Variants in CADM2 observed in about 807,000 individuals in gnomAD.
CADM2 encodes immunoglobulin superfamily member 4D.
In CADM2, 12 loss-of-function variants were observed where a neutral mutation model predicts 49.8. The observed-to-expected ratio is 0.24, with a 90% CI of 0.15 to 0.39. CADM2 has a LOEUF of 0.39. Ranked by LOEUF, CADM2 falls within the 10% of genes least tolerant of loss-of-function variation. The pLI is 1.00. For missense variants in CADM2, 378 were observed against 492.3 expected, an observed-to-expected ratio of 0.77 and a Z score of 2.20; for synonymous variants, 214 against 175.4, an observed-to-expected ratio of 1.22 and a Z score of -1.74.
At chr3:85,328,641 G>A (rs1416171797) in intron 1 of CADM2, among the ~76,000 whole-genome samples, 1 of 152,070 alleles carries the variant, frequency 6.6e-6, no homozygotes, top group African/African-American at 2.4e-5. Context: ...AAAGAGAAAG[G>A]TTTAAATTTT....
intron 3 of CADM2, among the ~76,000 whole-genome samples, chr3:85,815,827 G>A (rs929077708): frequency 2.6e-5 from 4 of 152,126 alleles, no homozygotes; most frequent in African/African-American, 9.7e-5. Flanking sequence ...CAGATGACAT[G>A]ATTGTATATT....
At chr3:85,177,047 G>A (rs1213383898) in intron 1 of CADM2, among the ~76,000 whole-genome samples, 1 of 152,146 alleles carries the variant, frequency 6.6e-6, no homozygotes, top group Non-Finnish European at 1.5e-5. Context: ...CCTATCCATA[G>A]CAAAAGTGTG....
intron 1 of CADM2, among the ~76,000 whole-genome samples, chr3:85,378,961 C>G (rs1246920237): frequency 1.3e-5 from 2 of 151,822 alleles, no homozygotes; most frequent in Non-Finnish European, 2.9e-5. Context: ...ATCGTATTGA[C>G]TAGTATTTAT....
chr3:85,973,090 G>A (rs1220513907), intron 8 of CADM2, among the ~76,000 whole-genome samples: 1 of 151,648 alleles, frequency 6.6e-6, no homozygotes, highest in Non-Finnish European at 1.5e-5. Context: ...ATAAAAGGGA[G>A]AGCAACTTTT....
chr3:85,925,982 A>T (rs1006714247), intron 6 of CADM2, among the ~76,000 whole-genome samples: 2 of 151,788 alleles, frequency 1.3e-5, no homozygotes. Context: ...TTAAAAATAT[A>T]AAAAAATGAC....
intron 1 of CADM2, among the ~76,000 whole-genome samples, chr3:85,097,862 G>A (rs2037861273): frequency 6.6e-6 from 1 of 152,102 alleles, no homozygotes; most frequent in South Asian, 2.1e-4. Context: ...CCCCTACATA[G>A]TAGTCCTCAG....
At chr3:85,132,156 T>C (rs564177968) in intron 1 of CADM2, among the ~76,000 whole-genome samples, 1 of 152,234 alleles carries the variant, frequency 6.6e-6, no homozygotes, top group African/African-American at 2.4e-5. Flanking sequence ...ATGATTAAAG[T>C]TGCATTAGCC....
chr3:86,060,752 G>T (rs934382994), intron 8 of CADM2, among the ~76,000 whole-genome samples: 9 of 152,082 alleles, frequency 5.9e-5, no homozygotes, highest in African/African-American at 2.2e-4. Flanking sequence ...TGGAGGCTGA[G>T]GTGGGCAGAT....
intron 3 of CADM2, among the ~76,000 whole-genome samples, chr3:85,829,419 C>T (rs2074079769): frequency 6.6e-6 from 1 of 151,814 alleles, no homozygotes. Flanking sequence ...AAACATTTAT[C>T]ATTTCTTTGT....
intron 1 of CADM2, among the ~76,000 whole-genome samples, chr3:85,422,639 T>C (rs1015971026): frequency 6.6e-6 from 1 of 152,192 alleles, no homozygotes; most frequent in African/African-American, 2.4e-5. Context: ...TGAAGTTTAA[T>C]AGAATTGTTC....
At chr3:85,534,605 C>T (rs1254356020) in intron 1 of CADM2, among the ~76,000 whole-genome samples, 1 of 152,160 alleles carries the variant, frequency 6.6e-6, no homozygotes, top group Non-Finnish European at 1.5e-5. Flanking sequence ...ATACTTGTAA[C>T]ATATACCTCC....
intron 8 of CADM2, among the ~76,000 whole-genome samples, chr3:86,057,022 T>A (rs181160054): frequency 6.6e-6 from 1 of 152,216 alleles, no homozygotes; most frequent in African/African-American, 2.4e-5. Flanking sequence ...TTACGTATAG[T>A]TAAAACTATG....
chr3:85,740,822 A>T (rs1418867335), intron 2 of CADM2, among the ~76,000 whole-genome samples: 2 of 152,200 alleles, frequency 1.3e-5, no homozygotes, highest in Non-Finnish European at 2.9e-5. Context: ...GCAGTTCTGT[A>T]GCTTTCCGGC....
chr3:85,984,067 A>G (rs1447039315), intron 8 of CADM2, among the ~76,000 whole-genome samples: 2 of 149,598 alleles, frequency 1.3e-5, no homozygotes, highest in Admixed American at 6.7e-5. Flanking sequence ...TATACATAAT[A>G]CAATGCTCTG....
intron 1 of CADM2, among the ~76,000 whole-genome samples, chr3:85,283,065 T>A (rs902864793): frequency 1.3e-5 from 2 of 152,028 alleles, no homozygotes; most frequent in African/African-American, 4.8e-5. Flanking sequence ...AGTTGGTAGA[T>A]TTTAGAATTT....
At chr3:85,748,849 G>A (rs2068740953) in intron 2 of CADM2, among the ~76,000 whole-genome samples, 2 of 151,946 alleles carry the variant, frequency 1.3e-5, no homozygotes, top group Admixed American at 1.3e-4. Context: ...GTTGTCTGGT[G>A]GATAAATGAA....
chr3:85,091,797 A>G (rs908674708), intron 1 of CADM2, among the ~76,000 whole-genome samples: 3 of 152,164 alleles, frequency 2.0e-5, no homozygotes, highest in Non-Finnish European at 4.4e-5. Context: ...TAGAAAGCAT[A>G]GTAACCCATT....
chr3:85,946,146 G>A (rs1722660067), intron 7 of CADM2, among the ~76,000 whole-genome samples: 1 of 152,000 alleles, frequency 6.6e-6, no homozygotes, highest in African/African-American at 2.4e-5. Flanking sequence ...CAGACAAACA[G>A]AGAGCCAAAT....
chr3:86,035,299 T>TA (rs1553726539), intron 8 of CADM2, among the ~76,000 whole-genome samples: 3 of 151,232 alleles, frequency 2.0e-5, no homozygotes, highest in Non-Finnish European at 4.4e-5. Context: ...CTACCTCTAG[T>TA]ATTCTATTTC....
Sources: gnomAD v4.1 joint callset for allele counts (sites outside exome capture counted in the v4.1 genomes callset) on GRCh38, gnomAD v4.1.1 for gene constraint, MANE v1.5 for transcripts, NCBI Gene and HGNC (gene_info 2026-07-23, HGNC 2026-07-21) for gene names.